The following NOX4 variants were observed in gnomAD, a reference collection of about 807,000 sequenced individuals.
NOX4 encodes the protein kidney oxidase-1.
A neutral mutation model predicts 87.6 loss-of-function variants in NOX4; 69 were observed. That is an observed-to-expected ratio of 0.79 (90% CI 0.65 to 0.96). NOX4 has a LOEUF of 0.96. NOX4 is among the 40% of genes least tolerant of loss of function. The pLI, the probability that NOX4 is intolerant of heterozygous loss-of-function variation, is 0.00. For synonymous variants in NOX4, 275 were observed against 238.2 expected (o/e 1.15, Z -1.42); for missense variants, 680 against 681.5 (o/e 1.00, Z 0.02).
Position 89,359,379 on chromosome 11 carries a change from ATT to A in NOX4, c.1136-4338_1136-4337del, listed in dbSNP as rs33949541. On this transcript the variant is annotated intron_variant, in intron 12 of 17. Coordinates refer to ENST00000263317, the MANE Select transcript of NOX4 (RefSeq NM_016931.5). ...TACATAACAATAAAAAGCAGTAGGCATTTTTTTTTTTTTTTTTTTGAGATGGA... is the reference window on the plus strand; with the variant it reads ...TACATAACAATAAAAAGCAGTAGGCATTTTTTTTTTTTTTTTTGAGATGGA... Among the ~76,000 whole-genome samples the A allele has an allele frequency of 2.8e-3, 361 of 128,718 alleles. 4 individuals are homozygous for A. The highest frequency in any genetic ancestry group is 0.015 in the Admixed American group (192 of 12,592). 84.4% of individuals were successfully genotyped at this position (128,718 alleles called of 152,430 possible).
intron 6 of NOX4, among the ~76,000 whole-genome samples, chr11:89,440,282 T>C (rs61903455): frequency 0.06 from 9,132 of 152,232 alleles, 355 homozygotes; most frequent in Middle Eastern, 0.085. Flanking sequence ...TATCTAATTG[T>C]TGTGTAATTT....
At chr11:89,340,236 A>G (rs1037605607) in intron 14 of NOX4, 65 bp from the exon 15 acceptor site, 3 of 1,109,764 alleles carry the variant, frequency 2.7e-6, no homozygotes, top group Non-Finnish European at 4.0e-6. Context: ...GAATTCGTAT[A>G]TTTTTTAAAG....
At chr11:89,439,185 T>C (rs1944351266) in intron 6 of NOX4, among the ~76,000 whole-genome samples, 3 of 150,226 alleles carry the variant, frequency 2.0e-5, no homozygotes, top group Non-Finnish European at 4.4e-5. Context: ...TTAAACTTTA[T>C]GTTTTAGAAA....
At chr11:89,490,747 T>C (rs1286013043) in intron 1 of NOX4, 194 bp from the exon 2 acceptor site, 7 of 699,080 alleles carry the variant, frequency 1.0e-5, no homozygotes, top group Admixed American at 6.1e-5. Context: ...TACCCAGCCC[T>C]TTCACCTGAG....
intron 2 of NOX4, among the ~76,000 whole-genome samples, chr11:89,465,082 T>G (rs937905449): frequency 6.6e-6 from 1 of 152,190 alleles, no homozygotes; most frequent in African/African-American, 2.4e-5. Context: ...GGTGGTTTGC[T>G]GCACCCATGA....
intron 5 of NOX4, among the ~76,000 whole-genome samples, chr11:89,443,078 C>T (rs1413583196): frequency 6.6e-6 from 1 of 152,108 alleles, no homozygotes; most frequent in Non-Finnish European, 1.5e-5. Flanking sequence ...GCTGGATGCA[C>T]TCTACAAGCC....
chr11:89,390,360 C>A (rs955164202), intron 11 of NOX4, among the ~76,000 whole-genome samples: 1 of 152,166 alleles, frequency 6.6e-6, no homozygotes, highest in African/African-American at 2.4e-5. Flanking sequence ...AGCTATAAAC[C>A]ACTTCCTAAG....
intron 2 of NOX4, among the ~76,000 whole-genome samples, chr11:89,465,130 C>T (rs1945620073): frequency 6.6e-6 from 1 of 152,104 alleles, no homozygotes; most frequent in Non-Finnish European, 1.5e-5. Context: ...CTAATGCTAT[C>T]CCTCCCCTAG....
At chr11:89,501,003 C>T (rs923956486), upstream of NOX4, among the ~76,000 whole-genome samples, 3 of 151,954 alleles carry the variant, frequency 2.0e-5, no homozygotes, top group African/African-American at 4.8e-5. Flanking sequence ...AAGTGATGTC[C>T]TTTGATATGC....
the NOX4 span, among the ~76,000 whole-genome samples, chr11:89,503,836 T>C: frequency 2.0e-5 from 3 of 147,490 alleles, no homozygotes; most frequent in Non-Finnish European, 4.5e-5. Flanking sequence ...CATATATTAA[T>C]TGAGCAATAC....
chr11:89,350,423 T>C (rs566196804), intron 13 of NOX4, among the ~76,000 whole-genome samples: 4 of 152,252 alleles, frequency 2.6e-5, no homozygotes, highest in Non-Finnish European at 4.4e-5. Context: ...AAGTTAAAGA[T>C]TATAGGGACA....
At chr11:89,516,550 G>C in the NOX4 span, among the ~76,000 whole-genome samples, 1 of 151,992 alleles carries the variant, frequency 6.6e-6, no homozygotes, top group Non-Finnish European at 1.5e-5. Flanking sequence ...AATTCACTCA[G>C]TTAAAAAGTA....
the NOX4 span, among the ~76,000 whole-genome samples, chr11:89,516,736 C>A: frequency 2.6e-5 from 4 of 151,970 alleles, no homozygotes; most frequent in African/African-American, 9.7e-5. Context: ...TCCTGAAATT[C>A]TTTCAATGCC....
At chr11:89,431,795 A>C (rs1943799533) in intron 7 of NOX4, among the ~76,000 whole-genome samples, 1 of 152,202 alleles carries the variant, frequency 6.6e-6, no homozygotes, top group Non-Finnish European at 1.5e-5. Context: ...CAGTGTGGCG[A>C]TTCCTCAGGG....
intron 7 of NOX4, among the ~76,000 whole-genome samples, chr11:89,427,003 G>A (rs756729470): frequency 3.9e-5 from 6 of 152,106 alleles, no homozygotes; most frequent in East Asian, 1.9e-4. Flanking sequence ...CCACAGGGCC[G>A]AGTACCCCTC....
intron 2 of NOX4, among the ~76,000 whole-genome samples, chr11:89,456,260 C>G (rs73535444): frequency 1.3e-5 from 2 of 151,622 alleles, no homozygotes; most frequent in African/African-American, 4.9e-5. Context: ...AAAAAGAAGT[C>G]TTGTGTGAAT....
At chr11:89,395,449 A>G (rs1301004738) in intron 11 of NOX4, among the ~76,000 whole-genome samples, 5 of 152,136 alleles carry the variant, frequency 3.3e-5, no homozygotes, top group East Asian at 3.9e-4. Flanking sequence ...CCCATTCTGT[A>G]GGTTGCCTGT....
intron 13 of NOX4, among the ~76,000 whole-genome samples, chr11:89,353,386 T>C (rs1590997849): frequency 6.6e-6 from 1 of 152,206 alleles, no homozygotes; most frequent in African/African-American, 2.4e-5. Flanking sequence ...TCAGCAACCA[T>C]CAACATCGAG....
chr11:89,459,288 G>T (rs966498804), intron 2 of NOX4, among the ~76,000 whole-genome samples: 2 of 152,004 alleles, frequency 1.3e-5, no homozygotes, highest in African/African-American at 2.4e-5. Context: ...AGACACAGGG[G>T]TCTACTTGAG....
Sources: allele counts gnomAD v4.1 joint callset (sites outside exome capture counted in the v4.1 genomes callset), GRCh38; gene constraint gnomAD v4.1.1; transcripts MANE v1.5; gene names NCBI Gene and HGNC (gene_info 2026-07-23, HGNC 2026-07-21).